Variants in IL1RAPL2 observed in about 807,000 individuals in gnomAD.
The protein encoded by IL1RAPL2 is interleukin 1 receptor accessory protein like 2, also known as X-linked interleukin-1 receptor accessory protein-like 2.
In IL1RAPL2, 3 loss-of-function variants were observed where a neutral mutation model predicts 44.1. That is an observed-to-expected ratio of 0.07 (90% CI 0.03 to 0.18). IL1RAPL2 has a LOEUF of 0.18. Among genes scored for constraint, IL1RAPL2 ranks in the 10% least tolerant of loss-of-function variants. The pLI is 1.00. For synonymous variants in IL1RAPL2, 181 were observed against 178.8 expected, an observed-to-expected ratio of 1.01 and a Z score of -0.10; for missense variants, 391 against 496.4, an observed-to-expected ratio of 0.79 and a Z score of 2.02.
rs921990560 is a variant in IL1RAPL2, at chrX:105,558,010, T to TA, written c.772+73632dup. On this transcript the variant is annotated intron_variant, in intron 6 of 10. Transcript: ENST00000372582. ...AAGGGATTTGCTCCTTCAAACCGGT[T>TA]AAAAAAAAAGGCATTTGCTCATTCA... Among the ~76,000 whole-genome samples, 18 of 108,705 alleles carry TA rather than the reference T, an allele frequency of 1.7e-4. No homozygotes were observed. The South Asian group carries it at 2.0e-3, about 12-fold the overall frequency. 94.4% of individuals were successfully genotyped at this position (108,705 alleles called of 115,157 possible). A position where few individuals can be genotyped will look rare whatever the true frequency, so the allele number is the denominator to read the frequency against.
intron 2 of IL1RAPL2, among the ~76,000 whole-genome samples, chrX:105,037,126 C>T (rs1216671539): frequency 9.0e-6 from 1 of 111,260 alleles, no homozygotes; most frequent in East Asian, 2.8e-4. Context: ...GTAAGAGGAT[C>T]AAATAAAAGT....
chrX:105,682,710 T>A (rs906784302), intron 6 of IL1RAPL2, among the ~76,000 whole-genome samples: 5 of 112,312 alleles, frequency 4.5e-5, no homozygotes, highest in Non-Finnish European at 9.4e-5. Flanking sequence ...TGAAAACTAT[T>A]CTCATAGAAC....
At chrX:105,075,776 T>A (rs36104048) in intron 2 of IL1RAPL2, among the ~76,000 whole-genome samples, 1 of 111,463 alleles carries the variant, frequency 9.0e-6, no homozygotes, top group Non-Finnish European at 1.9e-5. Flanking sequence ...CTTGGGAGAG[T>A]GTATGTGTCG....
intron 6 of IL1RAPL2, among the ~76,000 whole-genome samples, chrX:105,704,049 C>A: frequency 9.0e-6 from 1 of 111,458 alleles, no homozygotes; most frequent in African/African-American, 3.3e-5. Context: ...CTAGGCTTTT[C>A]AGAGGTTACC....
At chrX:105,360,398 T>C (rs1000860797) in intron 5 of IL1RAPL2, among the ~76,000 whole-genome samples, 1 of 111,615 alleles carries the variant, frequency 9.0e-6, no homozygotes, top group Non-Finnish European at 1.9e-5. Context: ...CTGTTCTAGA[T>C]GGTGAAAAAA....
At chrX:105,423,534 A>T (rs1202484177) in intron 5 of IL1RAPL2, among the ~76,000 whole-genome samples, 1 of 111,598 alleles carries the variant, frequency 9.0e-6, no homozygotes, top group Non-Finnish European at 1.9e-5. Flanking sequence ...GATTTGACCC[A>T]GTCAGGTAGA....
At chrX:104,637,798 GTGTC>G (rs1423223029) in intron 1 of IL1RAPL2, among the ~76,000 whole-genome samples, 2 of 108,044 alleles carry the variant, frequency 1.9e-5, no homozygotes, top group African/African-American at 6.8e-5. Context: ...GTGTGTGTGT[GTGTC>G]TGTGTGTGTG....
chrX:104,698,582 A>G lies in IL1RAPL2; in HGVS notation c.82+39587A>G, dbSNP rs144992915. ...CGATTGGCATGAAAAATAGTTATCA[A>G]CTCCCTTATTTCTTCGATCATTTCA... On this transcript the variant is annotated intron_variant, in intron 2 of 10. Transcript: ENST00000372582. Among the ~76,000 whole-genome samples, 479 of 111,210 alleles carry G rather than the reference A, an allele frequency of 4.3e-3. 2 individuals carry two copies. Among genetic ancestry groups the G allele is most frequent in the African/African-American group, 0.014 (429 of 30,561 alleles).
In IL1RAPL2 at chrX:105,156,033, C is replaced by A. The variant is rs2033266138; in HGVS notation, c.83-39442C>A. On this transcript the variant is annotated intron_variant, in intron 2 of 10. Coordinates refer to ENST00000372582, the MANE Select transcript of IL1RAPL2 (RefSeq NM_017416.2). ...TTTGCATGCTCTAAACTCCTAGACACCTATTGACTCTACTTTTAGTAAGCA... is the reference window on the plus strand; with the variant it reads ...TTTGCATGCTCTAAACTCCTAGACAACTATTGACTCTACTTTTAGTAAGCA... Among the ~76,000 whole-genome samples the A allele has an allele frequency of 2.7e-5, 3 of 111,554 alleles. No individual in the cohort carries two copies. In the South Asian group the frequency reaches 1.1e-3, roughly 43 times the overall value.
At chrX:104,890,481 G>A (rs1039673414) in intron 2 of IL1RAPL2, among the ~76,000 whole-genome samples, 2 of 111,578 alleles carry the variant, frequency 1.8e-5, no homozygotes, top group Non-Finnish European at 3.8e-5. Flanking sequence ...CTTTTTAATA[G>A]TTGCCATTCT....
At chrX:105,437,485 T>C (rs1320118471) in intron 5 of IL1RAPL2, among the ~76,000 whole-genome samples, 2 of 111,625 alleles carry the variant, frequency 1.8e-5, no homozygotes, top group African/African-American at 6.5e-5. Context: ...ACTTTATCTA[T>C]ATTGATTTTT....
At chrX:104,914,856 A>C (rs768111956) in intron 2 of IL1RAPL2, among the ~76,000 whole-genome samples, 6 of 110,664 alleles carry the variant, frequency 5.4e-5, no homozygotes, top group African/African-American at 6.6e-5. Context: ...GAGAATGATG[A>C]TTTCCAATTT....
In IL1RAPL2 at chrX:104,673,384, T is replaced by G. The variant is rs1311906026; in HGVS notation, c.82+14389T>G. ...TTTCCCCATTGCTTGTTTTTCTCAG[T>G]TTTGTCAAAGATCAGATAGTTGTAG... On this transcript the variant is annotated intron_variant, in intron 2 of 10. Transcript: ENST00000372582. Among the ~76,000 whole-genome samples, 13 of 110,984 alleles carry G rather than the reference T, an allele frequency of 1.2e-4. No homozygotes were observed. In the East Asian group the frequency reaches 1.4e-3, roughly 12 times the overall value.
intron 5 of IL1RAPL2, among the ~76,000 whole-genome samples, chrX:105,373,592 C>T (rs2035361253): frequency 9.0e-6 from 1 of 111,503 alleles, no homozygotes; most frequent in Admixed American, 9.6e-5. Context: ...AATCTTTGCT[C>T]GTTTCTGTGT....
intron 2 of IL1RAPL2, among the ~76,000 whole-genome samples, chrX:104,881,848 G>T (rs1432811314): frequency 2.7e-5 from 3 of 111,905 alleles, no homozygotes; most frequent in African/African-American, 9.7e-5. Context: ...GACAAGAGAA[G>T]GTGGTGAGAA....
intron 2 of IL1RAPL2, among the ~76,000 whole-genome samples, chrX:105,009,620 A>C (rs1371097790): frequency 9.7e-6 from 1 of 103,307 alleles, no homozygotes; most frequent in Non-Finnish European, 2.0e-5. Context: ...GAGGGGGGCG[A>C]GATAGCATTA....
chrX:105,316,992 CCAGGGTT>C (rs1053000273), intron 5 of IL1RAPL2, among the ~76,000 whole-genome samples: 4 of 110,988 alleles, frequency 3.6e-5, no homozygotes, highest in African/African-American at 1.3e-4. Context: ...AGGCCCTAAT[CCAGGGTT>C]CAGTAGTAAT....
chrX:105,087,722 T>A lies in IL1RAPL2; in HGVS notation c.83-107753T>A, dbSNP rs913383458. Among the ~76,000 whole-genome samples the A allele has an allele frequency of 3.6e-5, 4 of 112,127 alleles. 1 individual carries two copies. In the Admixed American group the frequency reaches 3.8e-4, roughly 11 times the overall value. On this transcript the variant is annotated intron_variant, in intron 2 of 10. Transcript: ENST00000372582. ...TCTCTCTGTTTTCTCATATATAAAA[T>A]GGGGGTAATAAGGAAGTTCCAGAGA...
chrX:104,676,861 C>T lies in IL1RAPL2; in HGVS notation c.82+17866C>T, dbSNP rs573846341. ...TCATTTCATTCATTTTATCTTCCATCGCTGATACCCTTTCTTCCAGTTGAT... is the reference window on the plus strand; with the variant it reads ...TCATTTCATTCATTTTATCTTCCATTGCTGATACCCTTTCTTCCAGTTGAT... On this transcript the variant is annotated intron_variant, in intron 2 of 10. Transcript: ENST00000372582. Among the ~76,000 whole-genome samples, 49 of 111,935 alleles carry T rather than the reference C, an allele frequency of 4.4e-4. 1 individual carries two copies. The highest frequency in any genetic ancestry group is 4.6e-3 in the Middle Eastern group (1 of 219).
Sources: allele counts gnomAD v4.1 joint callset (sites outside exome capture counted in the v4.1 genomes callset), GRCh38; gene constraint gnomAD v4.1.1; transcripts MANE v1.5; gene names NCBI Gene and HGNC (gene_info 2026-07-23, HGNC 2026-07-21).